The following ACER3 variants were observed in gnomAD, a reference collection of about 807,000 sequenced individuals.
The protein encoded by ACER3 is alkaline ceramidase 3, also known as alkCDase 3.
Under a neutral mutation model 48.9 loss-of-function variants are expected in ACER3, and 16 were observed. The observed-to-expected ratio is 0.33, with a 90% CI of 0.22 to 0.50. The LOEUF is 0.50. Ranked by LOEUF, ACER3 falls within the 20% of genes least tolerant of loss-of-function variation. ACER3 has a pLI of 0.98. For synonymous variants in ACER3, 109 were observed against 107.8 expected, an observed-to-expected ratio of 1.01 and a Z score of -0.07; for missense variants, 227 against 326.0, an observed-to-expected ratio of 0.70 and a Z score of 2.34.
At chr11:76,886,194 G>GT (rs1437066398) in intron 1 of ACER3, among the ~76,000 whole-genome samples, 22 of 152,198 alleles carry the variant, frequency 1.4e-4, no homozygotes, top group African/African-American at 5.3e-4. Flanking sequence ...GTAATCTGGG[G>GT]TAATGATGTT....
At chr11:76,978,682 A>T (rs1948506888) in intron 4 of ACER3, 1 of 153,836 alleles carries the variant, frequency 6.5e-6, no homozygotes, top group South Asian at 2.0e-4. Flanking sequence ...GCCACATTGC[A>T]GGAGATAAGA....
In ACER3 at chr11:76,860,994, C is replaced by T. The variant is rs770336801; in HGVS notation, c.18C>T (p.Asp6=). 182 of 1,540,798 alleles carry T rather than the reference C, an allele frequency of 1.2e-4. No individual in the cohort carries two copies. Among genetic ancestry groups the T allele is most frequent in the Non-Finnish European group, 1.5e-4 (166 of 1,143,682 alleles). MAPAA[D]REGYWGPTTS... ...GCGGCGTGATGGCTCCGGCCGCGGACCGAGAGGGCTACTGGGGCCCCACGA... is the reference window on the plus strand; with the variant it reads ...GCGGCGTGATGGCTCCGGCCGCGGATCGAGAGGGCTACTGGGGCCCCACGA... The change falls in exon 1 of 11, where the codon GAC becomes GAT. Residue 6 remains aspartate, a synonymous_variant. Transcript: ENST00000532485.
chr11:76,909,169 C>A (rs1246882828), intron 1 of ACER3, among the ~76,000 whole-genome samples: 1 of 152,146 alleles, frequency 6.6e-6, no homozygotes, highest in Non-Finnish European at 1.5e-5. Flanking sequence ...CACAAAAACC[C>A]TAGAAGAAAA....
At chr11:76,894,970 C>T (rs1046836818) in intron 1 of ACER3, among the ~76,000 whole-genome samples, 23 of 152,120 alleles carry the variant, frequency 1.5e-4, no homozygotes, top group Admixed American at 7.2e-4. Context: ...GGCAGAAATT[C>T]CCAATGAGGT....
chr11:76,896,396 C>T (rs1236993173), intron 1 of ACER3, among the ~76,000 whole-genome samples: 4 of 150,650 alleles, frequency 2.7e-5, no homozygotes, highest in Admixed American at 1.3e-4. Context: ...TGGTGGCTCA[C>T]GCCTGTAATC....
Position 77,017,667 on chromosome 11 carries a change from A to C in ACER3, c.704+888A>C, listed in dbSNP as rs184429465. On this transcript the variant is annotated intron_variant, in intron 9 of 10. Transcript: ENST00000532485. The stretch of plus-strand genomic sequence containing the variant: ...ACAAAAGGCCACAGGTAGCCAGATC[A>C]ATCTTGAAAAAGAGCAGACATGAAA... Among the ~76,000 whole-genome samples, 7 of 152,340 alleles carry C rather than the reference A, an allele frequency of 4.6e-5. No homozygotes were observed. The East Asian group carries it at 1.4e-3, about 29-fold the overall frequency.
chr11:76,870,459 A>G (rs1006357435), intron 1 of ACER3, among the ~76,000 whole-genome samples: 1 of 152,054 alleles, frequency 6.6e-6, no homozygotes, highest in Non-Finnish European at 1.5e-5. Flanking sequence ...TTCTTCTGTC[A>G]GTGTACACTT....
chr11:77,021,895 C>T lies in ACER3; in HGVS notation c.*1568C>T, dbSNP rs1466160631. Reference sequence around the variant, plus strand: ...ATGCCAACAAGCCATTAGACTGATTCTTCCACCTATTTTTATGAACCTCCA... The same window carrying T: ...ATGCCAACAAGCCATTAGACTGATTTTTCCACCTATTTTTATGAACCTCCA... On this transcript the variant is annotated 3_prime_UTR_variant, in exon 11 of 11. Transcript: ENST00000532485. 6.6e-6 allele frequency: 1 copy of T among 152,148 alleles called. No individual in the cohort carries two copies. Among genetic ancestry groups the T allele is most frequent in the Non-Finnish European group, 1.5e-5 (1 of 68,018 alleles). 9.4% of individuals were successfully genotyped at this position (152,148 alleles called of 1,614,324 possible).
rs1332021887 is a variant in ACER3 at position 77,022,593 on chromosome 11, C to G, written c.*2266C>G. 1 of 152,162 alleles carries G rather than the reference C, an allele frequency of 6.6e-6. No individual in the cohort carries two copies. The highest frequency in any genetic ancestry group is 1.5e-5 in the Non-Finnish European group (1 of 68,042). The allele number at this position is 152,162 out of a possible 1,614,324, so 9.4% of individuals were successfully genotyped here. Reference sequence around the variant, plus strand: ...ATCACTGGTGACCTATAGGATATTACTAAATTATTTCAATAGCTTTATTTT... The same window carrying G: ...ATCACTGGTGACCTATAGGATATTAGTAAATTATTTCAATAGCTTTATTTT... On this transcript the variant is annotated 3_prime_UTR_variant, in exon 11 of 11. Transcript: ENST00000532485.
At chr11:76,875,119 T>TTTTTA (rs1945338882) in intron 1 of ACER3, among the ~76,000 whole-genome samples, 1 of 109,658 alleles carries the variant, frequency 9.1e-6, no homozygotes, top group South Asian at 2.6e-4. Flanking sequence ...TTTTTTTTTT[T>TTTTTA]TTTTTTTTTT....
chr11:76,897,110 A>G (rs1945953189), intron 1 of ACER3, among the ~76,000 whole-genome samples: 1 of 152,024 alleles, frequency 6.6e-6, no homozygotes. Flanking sequence ...GGTGTGTGCC[A>G]CTACACCTGG....
intron 1 of ACER3, 150 bp downstream of exon 1, chr11:76,861,229 G>A (rs897407497): frequency 3.4e-5 from 24 of 702,518 alleles, no homozygotes; most frequent in Non-Finnish European, 5.2e-5. Context: ...GCCAGCGGGA[G>A]GCTGAGAGGA....
chr11:76,982,097 T>C (rs2135183240), intron 4 of ACER3, among the ~76,000 whole-genome samples: 1 of 152,308 alleles, frequency 6.6e-6, no homozygotes, highest in Admixed American at 6.5e-5. Flanking sequence ...ATATACTATC[T>C]CTGTGGTGTT....
intron 1 of ACER3, among the ~76,000 whole-genome samples, chr11:76,864,503 G>A (rs1048535110): frequency 1.3e-5 from 2 of 150,232 alleles, no homozygotes; most frequent in African/African-American, 4.9e-5. Flanking sequence ...AAAACATTGA[G>A]AAATAAACTA....
chr11:77,007,875 A>G (rs2135298112), intron 7 of ACER3, among the ~76,000 whole-genome samples: 1 of 152,286 alleles, frequency 6.6e-6, no homozygotes, highest in African/African-American at 2.4e-5. Flanking sequence ...AATCTATTGC[A>G]TGGCAGGGTG....
intron 1 of ACER3, among the ~76,000 whole-genome samples, chr11:76,889,246 AG>A (rs1377635535): frequency 6.6e-6 from 1 of 151,662 alleles, no homozygotes; most frequent in Non-Finnish European, 1.5e-5. Flanking sequence ...GTCATAACTG[AG>A]GTATTACTGT....
chr11:76,989,306 A>G (rs1948750601), intron 5 of ACER3, among the ~76,000 whole-genome samples: 2 of 151,788 alleles, frequency 1.3e-5, no homozygotes, highest in South Asian at 4.1e-4. Context: ...CCAAATAATA[A>G]AATTATATAA....
At chr11:76,900,456 G>A (rs1946051072) in intron 1 of ACER3, among the ~76,000 whole-genome samples, 1 of 152,114 alleles carries the variant, frequency 6.6e-6, no homozygotes, top group African/African-American at 2.4e-5. Flanking sequence ...TCCACTATTT[G>A]CTTTAGTTTC....
At chr11:76,910,949 G>A (rs1022228298) in intron 1 of ACER3, among the ~76,000 whole-genome samples, 3 of 152,076 alleles carry the variant, frequency 2.0e-5, no homozygotes, top group African/African-American at 2.4e-5. Flanking sequence ...GAATACTTAC[G>A]TGATTATAGG....
Sources: gnomAD v4.1 joint callset for allele counts (sites outside exome capture counted in the v4.1 genomes callset) on GRCh38, gnomAD v4.1.1 for gene constraint, MANE v1.5 for transcripts, NCBI Gene and HGNC (gene_info 2026-07-23, HGNC 2026-07-21) for gene names.